Variants in WDR72 observed in about 807,000 individuals in gnomAD.
WDR72 encodes WD repeat domain 72.
In WDR72, 120 loss-of-function variants were observed where a neutral mutation model predicts 124.2. That is an observed-to-expected ratio of 0.97 (90% CI 0.83 to 1.12). The LOEUF is 1.12. WDR72 is among the 50% of genes most tolerant of loss of function. WDR72 has a pLI of 0.00. For missense variants in WDR72, 1,387 were observed against 1,278.8 expected, an observed-to-expected ratio of 1.08 and a Z score of -1.29; for synonymous variants, 452 against 441.7, an observed-to-expected ratio of 1.02 and a Z score of -0.29.
At chr15:53,553,819 CTTTA>C (rs973062970) in intron 18 of WDR72, among the ~76,000 whole-genome samples, 3 of 152,072 alleles carry the variant, frequency 2.0e-5, no homozygotes, top group Non-Finnish European at 4.4e-5. Flanking sequence ...AAATGTTTAA[CTTTA>C]TTTGAGTAAC....
At chr15:53,620,557 CT>C (rs1050438136) in intron 14 of WDR72, among the ~76,000 whole-genome samples, 1 of 151,980 alleles carries the variant, frequency 6.6e-6, no homozygotes, top group Non-Finnish European at 1.5e-5. Flanking sequence ...AAAGGACACC[CT>C]ATGCAACAAA....
chr15:53,580,745 T>C (rs561379936), intron 18 of WDR72, among the ~76,000 whole-genome samples: 2 of 151,718 alleles, frequency 1.3e-5, no homozygotes, highest in South Asian at 2.1e-4. Context: ...AAAGTGGCCA[T>C]GGAAAAAAAA....
chr15:53,612,425 T>C (rs772544629), intron 16 of WDR72, among the ~76,000 whole-genome samples: 4 of 152,020 alleles, frequency 2.6e-5, no homozygotes, highest in African/African-American at 7.2e-5. Context: ...AGTGATAAAG[T>C]GGCATTGGAG....
chr15:53,552,856 C>G (rs940464903), intron 18 of WDR72, among the ~76,000 whole-genome samples: 4 of 152,042 alleles, frequency 2.6e-5, no homozygotes, highest in Non-Finnish European at 1.5e-5. Flanking sequence ...CTTGGAAAAC[C>G]TATGACTACC....
At chr15:53,546,842 G>T (rs1465820162) in intron 18 of WDR72, among the ~76,000 whole-genome samples, 1 of 152,094 alleles carries the variant, frequency 6.6e-6, no homozygotes, top group Admixed American at 6.5e-5. Flanking sequence ...AATTTAAGAA[G>T]TCTTAAGCGA....
chr15:53,599,368 T>G (rs1490649966), intron 17 of WDR72, among the ~76,000 whole-genome samples: 1 of 152,104 alleles, frequency 6.6e-6, no homozygotes, highest in Non-Finnish European at 1.5e-5. Context: ...TAGAAAGAAC[T>G]CAGGATTATA....
intron 18 of WDR72, among the ~76,000 whole-genome samples, chr15:53,567,357 T>A (rs1894339008): frequency 1.3e-5 from 2 of 151,954 alleles, no homozygotes; most frequent in Admixed American, 1.3e-4. Flanking sequence ...GTAGGCACTG[T>A]CAGTCAATTG....
intron 14 of WDR72, among the ~76,000 whole-genome samples, chr15:53,654,565 G>A (rs1354598441): frequency 1.3e-5 from 2 of 152,192 alleles, no homozygotes; most frequent in African/African-American, 4.8e-5. Context: ...CCATAGCTGG[G>A]CCTTTGCGGT....
chr15:53,753,733 C>T (rs1172627173), intron 1 of WDR72, among the ~76,000 whole-genome samples: 1 of 152,190 alleles, frequency 6.6e-6, no homozygotes, highest in Admixed American at 6.5e-5. Context: ...TGCCTCTTTT[C>T]TCAGTGTTAA....
intron 13 of WDR72, among the ~76,000 whole-genome samples, chr15:53,675,842 G>A (rs2016155061): frequency 6.6e-6 from 1 of 152,128 alleles, no homozygotes; most frequent in South Asian, 2.1e-4. Flanking sequence ...GCTGGGTGAG[G>A]GGTGAAGTCC....
At chr15:53,712,923 G>C (rs201100063) in intron 6 of WDR72, 32 bp from the exon 7 acceptor site, 80 of 1,610,822 alleles carry the variant, frequency 5.0e-5, no homozygotes, top group South Asian at 3.1e-4. Context: ...TTTAGTACTA[G>C]TTCCAGGTAA....
intron 13 of WDR72, among the ~76,000 whole-genome samples, chr15:53,673,362 C>T (rs544850667): frequency 7.4e-4 from 112 of 152,264 alleles, no homozygotes; most frequent in Admixed American, 1.7e-3. Flanking sequence ...AATCCATCTG[C>T]AAATGATCAA....
chr15:53,637,401 C>T (rs1044626194), intron 14 of WDR72, among the ~76,000 whole-genome samples: 6 of 152,214 alleles, frequency 3.9e-5, no homozygotes, highest in South Asian at 4.2e-4. Flanking sequence ...TACTTGTTGT[C>T]TGCTTCAAAC....
In WDR72 at chr15:53,674,886, T is replaced by C. The variant is rs188806776; in HGVS notation, c.1766-9118A>G. On this transcript the variant is annotated intron_variant, in intron 13 of 19. Transcript: ENST00000360509. ...GCCACATTCAACCCTCACGTCTAATTCTGACCACAGACCTCCAGAAAAACG... is the reference window on the plus strand; with the variant it reads ...GCCACATTCAACCCTCACGTCTAATCCTGACCACAGACCTCCAGAAAAACG... Among the ~76,000 whole-genome samples, 480 of 151,992 alleles carry C rather than the reference T, an allele frequency of 3.2e-3. 2 individuals are homozygous for C. The highest frequency in any genetic ancestry group is 0.011 in the African/African-American group (466 of 41,446).
chr15:53,570,354 C>A (rs1894471800), intron 18 of WDR72, among the ~76,000 whole-genome samples: 1 of 150,922 alleles, frequency 6.6e-6, no homozygotes, highest in Admixed American at 6.6e-5. Flanking sequence ...AGTCACCATG[C>A]TGTACAATAG....
intron 13 of WDR72, among the ~76,000 whole-genome samples, chr15:53,670,691 G>A (rs976019629): frequency 1.3e-5 from 2 of 152,182 alleles, no homozygotes; most frequent in African/African-American, 4.8e-5. Flanking sequence ...GTACAATGGG[G>A]ATAATAATAA....
chr15:53,643,199 A>C (rs961135955), intron 14 of WDR72, among the ~76,000 whole-genome samples: 1 of 152,152 alleles, frequency 6.6e-6, no homozygotes, highest in Non-Finnish European at 1.5e-5. Context: ...AGCCTAAATA[A>C]TAGAACTGAA....
intron 18 of WDR72, among the ~76,000 whole-genome samples, chr15:53,529,164 A>ATATTTTTTTTTTTTTTTTTTTTTTT (rs59003623): frequency 1.3e-5 from 1 of 78,168 alleles, no homozygotes; most frequent in African/African-American, 5.0e-5. Flanking sequence ...ATATATATAT[A>ATATTTTTTTTTTTTTTTTTTTTTTT]TTTTTTTTTT....
At chr15:53,664,031 C>T (rs762333946) in intron 14 of WDR72, among the ~76,000 whole-genome samples, 3 of 152,070 alleles carry the variant, frequency 2.0e-5, no homozygotes, top group Non-Finnish European at 4.4e-5. Context: ...GAGGAAAGTA[C>T]GAACAAAAGC....
Sources: gnomAD v4.1 joint callset for allele counts (sites outside exome capture counted in the v4.1 genomes callset) on GRCh38, gnomAD v4.1.1 for gene constraint, MANE v1.5 for transcripts, NCBI Gene and HGNC (gene_info 2026-07-23, HGNC 2026-07-21) for gene names.